The following LARP1 variants were observed in gnomAD, a reference collection of about 807,000 sequenced individuals.
The protein encoded by LARP1 is la-related protein 1.
Under a neutral mutation model 122.7 loss-of-function variants are expected in LARP1, and 36 were observed. The ratio of observed to expected loss-of-function variants is 0.29; its 90% confidence interval spans 0.22 to 0.39. The LOEUF (loss-of-function observed/expected upper bound fraction) is 0.39. LARP1 is among the 10% of genes least tolerant of loss of function. The pLI, the probability that LARP1 is intolerant of heterozygous loss-of-function variation, is 1.00. For synonymous variants in LARP1, 539 were observed against 528.7 expected, an observed-to-expected ratio of 1.02 and a Z score of -0.27; for missense variants, 1,040 against 1,403.6, an observed-to-expected ratio of 0.74 and a Z score of 4.14.
At chr5:154,756,596 G>A in intron 1 of LARP1, 6 of 753,684 alleles carry the variant, frequency 8.0e-6, no homozygotes, top group Non-Finnish European at 9.7e-6. Flanking sequence ...TCCCCGTTTT[G>A]GTAGCGTTGC....
At chr5:154,774,308 G>T (rs1755682832) in intron 1 of LARP1, among the ~76,000 whole-genome samples, 1 of 152,190 alleles carries the variant, frequency 6.6e-6, no homozygotes, top group South Asian at 2.1e-4. Context: ...CTGCATCACT[G>T]CATCCCTGCC....
At chr5:154,728,206 T>C (rs1006399934) in intron 1 of LARP1, among the ~76,000 whole-genome samples, 25 of 152,192 alleles carry the variant, frequency 1.6e-4, no homozygotes, top group African/African-American at 5.3e-4. Flanking sequence ...GCCCCTCTGG[T>C]GTAGGGCCAA....
chr5:154,730,200 T>A lies in LARP1; in HGVS notation c.205+17070T>A, dbSNP rs548929619. ...CCAAAGAAACATTATTATTATTATT[T>A]TTTTTTGAGGTGGAGTCTTGCTCTG... On this transcript the variant is annotated intron_variant, in intron 1 of 18. Transcript: ENST00000336314. Among the ~76,000 whole-genome samples, 152 of 151,504 alleles carry A rather than the reference T, an allele frequency of 1.0e-3. 2 individuals are homozygous for A. Among genetic ancestry groups the A allele is most frequent in the African/African-American group, 2.9e-3 (121 of 41,486 alleles).
intron 1 of LARP1, among the ~76,000 whole-genome samples, chr5:154,692,084 T>G (rs1972618): frequency 0.76 from 115,444 of 152,226 alleles, 44,279 homozygotes; most frequent in African/African-American, 0.88. Flanking sequence ...GAGCCACCGC[T>G]CCCAGCCCTG....
At chr5:154,723,095 A>G (rs1582207773) in intron 1 of LARP1, among the ~76,000 whole-genome samples, 1 of 152,196 alleles carries the variant, frequency 6.6e-6, no homozygotes, top group African/African-American at 2.4e-5. Flanking sequence ...ACGAAAGCCA[A>G]CATCTGATTT....
At chr5:154,719,473 C>T (rs911111050) in intron 1 of LARP1, among the ~76,000 whole-genome samples, 1 of 152,112 alleles carries the variant, frequency 6.6e-6, no homozygotes, top group Non-Finnish European at 1.5e-5. Flanking sequence ...CAAAGGAAAC[C>T]AATCATCCTG....
At chr5:154,768,917 C>T (rs148987450) in intron 1 of LARP1, among the ~76,000 whole-genome samples, 3 of 152,208 alleles carry the variant, frequency 2.0e-5, no homozygotes, top group South Asian at 4.1e-4. Context: ...TCTCAGCTCA[C>T]TGCAACCTCC....
intron 1 of LARP1, among the ~76,000 whole-genome samples, chr5:154,738,092 A>T (rs1011650232): frequency 1.3e-5 from 2 of 152,124 alleles, no homozygotes; most frequent in Non-Finnish European, 1.5e-5. Flanking sequence ...TCTAAGTCAC[A>T]CGCCCTCAGC....
intron 1 of LARP1, among the ~76,000 whole-genome samples, chr5:154,727,274 A>T (rs1200691466): frequency 1.3e-5 from 2 of 152,194 alleles, no homozygotes; most frequent in Non-Finnish European, 1.5e-5. Context: ...AGTAAATAAA[A>T]CAGAACTACG....
In LARP1 at chr5:154,760,520, C is replaced by A. The variant is rs569700987; in HGVS notation, c.436+4327C>A. ...GGAGAAACTCTTCTGGCTTCAGGAG[C>A]CTAAGTCGATGGCTTGGGGGTGTAT... On this transcript the variant is annotated intron_variant, in intron 1 of 18. Transcript: ENST00000518297. Among the ~76,000 whole-genome samples, 149 of 152,292 alleles carry A rather than the reference C, an allele frequency of 9.8e-4. 2 individuals carry two copies. Among genetic ancestry groups the A allele is most frequent in the Non-Finnish European group, 4.4e-5 (3 of 68,020 alleles).
At position 154,797,325 on chromosome 5, in the gene LARP1, C is replaced by T. The variant is rs1757965068; in HGVS notation, c.1377+2006C>T. On this transcript the variant is annotated intron_variant, in intron 8 of 18. Transcript: ENST00000518297. ...CTCAGCTCACTGCAACCTCCACCTCCCAGGTTTAAGCAATTCTCCTGCCTC... is the reference window on the plus strand; with the variant it reads ...CTCAGCTCACTGCAACCTCCACCTCTCAGGTTTAAGCAATTCTCCTGCCTC... 4.7e-5 allele frequency among the ~76,000 whole-genome samples: 7 copies of T among 148,818 alleles called. No homozygotes were observed. The South Asian group carries it at 1.5e-3, about 32-fold the overall frequency.
intron 1 of LARP1, chr5:154,756,415 C>T: frequency 1.0e-6 from 1 of 995,494 alleles, no homozygotes; most frequent in Non-Finnish European, 1.2e-6. Context: ...GAGGCTACGG[C>T]CACCGCCTGG....
At position 154,803,965 on chromosome 5, in the gene LARP1, T is replaced by C. The variant is rs926255986; in HGVS notation, c.2439+220T>C. Among the ~76,000 whole-genome samples the C allele has an allele frequency of 1.3e-5, 2 of 152,220 alleles. No homozygotes were observed. Among genetic ancestry groups the C allele is most frequent in the African/African-American group, 4.8e-5 (2 of 41,442 alleles). On this transcript the variant is annotated intron_variant, in intron 13 of 18. Transcript: ENST00000518297. The surrounding 1 kb of genome is among the most constrained non-coding windows in gnomAD (Gnocchi z 4.4). ...CCCATGTTGAAAGGCCTAAGGAGGA[T>C]TGACCAGGTATGAGTCCTTGGGCAA...
chr5:154,729,617 C>A, intron 1 of LARP1: 1 of 410,854 alleles, frequency 2.4e-6, no homozygotes, highest in Admixed American at 2.9e-5. Flanking sequence ...CCAGCCACTC[C>A]ACCCAAACAC....
At chr5:154,710,922 A>G (rs771532249), upstream of LARP1, among the ~76,000 whole-genome samples, 2 of 152,128 alleles carry the variant, frequency 1.3e-5, no homozygotes, top group African/African-American at 4.8e-5. Context: ...CAACAGTCTC[A>G]GAATAATACC....
intron 15 of LARP1, 79 bp from the exon 16 acceptor site, chr5:154,808,380 T>G: frequency 6.5e-7 from 1 of 1,528,854 alleles, no homozygotes; most frequent in South Asian, 1.3e-5. Context: ...GACCAAGTCT[T>G]AAGTTCCAGG....
intron 7 of LARP1, 132 bp from the exon 8 acceptor site, chr5:154,795,043 G>A: frequency 3.7e-6 from 3 of 816,058 alleles, no homozygotes; most frequent in Non-Finnish European, 6.1e-6. Flanking sequence ...AACACTGTTG[G>A]TATATAGGAT....
chr5:154,791,807 T>C (rs899374462), intron 3 of LARP1: 113 of 324,728 alleles, frequency 3.5e-4, no homozygotes, highest in Non-Finnish European at 1.3e-5. Context: ...GCATTCGGTT[T>C]TTTAAAGTCC....
rs112080211 is a variant in LARP1, at chr5:154,776,240, G to T, written c.437-14085G>T. On this transcript the variant is annotated intron_variant, in intron 1 of 18. Coordinates refer to ENST00000518297, the MANE Select transcript of LARP1 (RefSeq NM_033551.3). ...CTGTTCGGCTGTGAGGCAAAAGCAG[G>T]TGGACAATTCCCTTCAGAACCTTCA... Among the ~76,000 whole-genome samples, 153 of 152,324 alleles carry T rather than the reference G, an allele frequency of 1.0e-3. 1 individual carries two copies. Among genetic ancestry groups the T allele is most frequent in the African/African-American group, 3.6e-3 (149 of 41,562 alleles).
Sources: allele counts gnomAD v4.1 joint callset (sites outside exome capture counted in the v4.1 genomes callset), GRCh38; gene constraint gnomAD v4.1.1; non-coding constraint Gnocchi (gnomAD v3.1); transcripts MANE v1.5; gene names NCBI Gene and HGNC (gene_info 2026-07-23, HGNC 2026-07-21).